MOCOS: variants seen among roughly 807,000 people sequenced by gnomAD.
MOCOS encodes human molybdenum cofactor sulfurase.
In MOCOS, 86 loss-of-function variants were observed where a neutral mutation model predicts 83.6. That is an observed-to-expected ratio of 1.03 (90% CI 0.86 to 1.23). The LOEUF is 1.23. MOCOS is among the 50% of genes most tolerant of loss of function. MOCOS has a pLI of 0.00. For synonymous variants in MOCOS, 445 were observed against 434.7 expected (o/e 1.02, Z -0.29); for missense variants, 1,120 against 1,126.9 (o/e 0.99, Z 0.09).
At chr18:36,199,610 A>C in intron 3 of MOCOS, 73 bp from the exon 4 acceptor site, 24 of 1,603,472 alleles carry the variant, frequency 1.5e-5, no homozygotes, top group Non-Finnish European at 2.0e-5. Flanking sequence ...AGTTAATAGA[A>C]ATAAAACAGC....
At chr18:36,201,697 C>T (rs1177979995) in intron 4 of MOCOS, among the ~76,000 whole-genome samples, 1 of 132,026 alleles carries the variant, frequency 7.6e-6, no homozygotes, top group Non-Finnish European at 1.6e-5. Context: ...TAATATTGTC[C>T]TTTTAGAGCT....
chr18:36,244,605 G>C lies in MOCOS; in HGVS notation c.1961-4317G>C, dbSNP rs552200637. Among the ~76,000 whole-genome samples the C allele has an allele frequency of 2.1e-4, 32 of 152,188 alleles. 1 individual carries two copies. Among genetic ancestry groups the C allele is most frequent in the Admixed American group, 2.1e-3 (32 of 15,284 alleles). ...AAAGAATGTATACTCTGCAGTTGTT[G>C]GGTAGAATTTTCATAAATATCTGTT... On this transcript the variant is annotated intron_variant, in intron 9 of 14. Transcript: ENST00000261326.
In MOCOS at chr18:36,246,789, G is replaced by A. The variant is rs77540689; in HGVS notation, c.1961-2133G>A. ...TTGCTGTAATGGCTTGAGTTGATTG[G>A]CCTCCAGCCAGAAGGTGCTGCTTTC... On this transcript the variant is annotated intron_variant, in intron 9 of 14. Transcript: ENST00000261326. Among the ~76,000 whole-genome samples the A allele has an allele frequency of 2.8e-3, 427 of 152,250 alleles. 4 individuals are homozygous for A. The highest frequency in any genetic ancestry group is 9.9e-3 in the African/African-American group (412 of 41,542).
At chr18:36,198,400 C>G (rs2091398488) in intron 2 of MOCOS, among the ~76,000 whole-genome samples, 2 of 152,156 alleles carry the variant, frequency 1.3e-5, no homozygotes, top group South Asian at 4.1e-4. Flanking sequence ...AACCAAATCA[C>G]TTTTTATTTT....
intron 9 of MOCOS, among the ~76,000 whole-genome samples, chr18:36,245,422 A>T (rs624980): frequency 0.27 from 40,920 of 151,952 alleles, 6,431 homozygotes; most frequent in Admixed American, 0.34. Flanking sequence ...TTGGCTGATA[A>T]TTATTTTGTT....
At chr18:36,214,850 G>T (rs967173574) in intron 7 of MOCOS, among the ~76,000 whole-genome samples, 4 of 152,182 alleles carry the variant, frequency 2.6e-5, no homozygotes, top group African/African-American at 7.2e-5. Flanking sequence ...ATTTGTTCGG[G>T]TGTCTGACCC....
intron 2 of MOCOS, among the ~76,000 whole-genome samples, chr18:36,198,237 T>A (rs565144014): frequency 7.4e-4 from 113 of 152,200 alleles, no homozygotes; most frequent in African/African-American, 2.4e-3. Context: ...AAAGTAATTT[T>A]AAAAAGTTAG....
chr18:36,239,929 G>A (rs369611111), intron 9 of MOCOS, among the ~76,000 whole-genome samples: 1 of 150,750 alleles, frequency 6.6e-6, no homozygotes, highest in East Asian at 1.9e-4. Flanking sequence ...GATCACATCA[G>A]CTCCTGAGGC....
chr18:36,254,703 C>T (rs78968485), intron 11 of MOCOS, among the ~76,000 whole-genome samples: 3,248 of 151,548 alleles, frequency 0.021, 118 homozygotes, highest in African/African-American at 0.074. Context: ...TTTCCATGCC[C>T]TCAACAGAAT....
At position 36,268,839 on chromosome 18, in the gene MOCOS, C is replaced by T; in HGVS notation, c.*154C>T. 2 of 695,776 alleles carry T rather than the reference C, an allele frequency of 2.9e-6. No individual in the cohort carries two copies. The highest frequency in any genetic ancestry group is 4.8e-6 in the Non-Finnish European group (2 of 414,056). The allele number at this position is 695,776 out of a possible 1,614,324, so 43.1% of individuals were successfully genotyped here. A position where few individuals can be genotyped will look rare whatever the true frequency, so the allele number is the denominator to read the frequency against. ...CTCACCTGCTTCCTTCTGCCTTTGACTTCTCACCCTGCAAATTTGCACTGG... is the reference window on the plus strand; with the variant it reads ...CTCACCTGCTTCCTTCTGCCTTTGATTTCTCACCCTGCAAATTTGCACTGG... On this transcript the variant is annotated 3_prime_UTR_variant, in exon 15 of 15. Transcript: ENST00000261326.
At chr18:36,251,404 C>A in intron 11 of MOCOS, 121 bp downstream of exon 11, 1 of 1,325,806 alleles carries the variant, frequency 7.5e-7, no homozygotes, top group South Asian at 1.2e-5. Flanking sequence ...CAGGGGTCAT[C>A]AGCCTTTAGC....
chr18:36,260,555 G>A lies in MOCOS; in HGVS notation c.2409+380G>A, dbSNP rs1412744643. Among the ~76,000 whole-genome samples the A allele has an allele frequency of 5.3e-5, 8 of 152,302 alleles. No individual in the cohort carries two copies. In the East Asian group the frequency reaches 1.5e-3, roughly 29 times the overall value. On this transcript the variant is annotated intron_variant, in intron 13 of 14. Transcript: ENST00000261326. Reference sequence around the variant, plus strand: ...GGAGCTTGTGGAGGGAGGCCCAGAAGCCTGGCGGTGCCTCTTTGCCCATGG... The same window carrying A: ...GGAGCTTGTGGAGGGAGGCCCAGAAACCTGGCGGTGCCTCTTTGCCCATGG...
At chr18:36,242,695 G>A (rs961974900) in intron 9 of MOCOS, among the ~76,000 whole-genome samples, 7 of 152,216 alleles carry the variant, frequency 4.6e-5, no homozygotes, top group Admixed American at 3.9e-4. Flanking sequence ...AGGTGAAGGG[G>A]AAGCAAGGAC....
Position 36,198,696 on chromosome 18 carries a change from C to G in MOCOS, c.239C>G (p.Pro80Arg), listed in dbSNP as rs62103121. 3 of 1,614,144 alleles carry G rather than the reference C, an allele frequency of 1.9e-6. No homozygotes were observed. The highest frequency in any genetic ancestry group is 2.5e-6 in the Non-Finnish European group (3 of 1,180,014). ...TGTCTTTGTAACCTGCCAGGTAATC[C>G]TCACAGCCAGAACATCAGCAGCAAG... ...SDLMENTYGNPHSQNISSKLT... is the reference protein window; with the variant it reads ...SDLMENTYGNRHSQNISSKLT... Residue 80 changes from proline (P) to arginine (R), a missense_variant, in exon 3 of 15, where the codon CCT (proline) becomes CGT (arginine). By Grantham distance (103) the Pro-to-Arg change is moderately radical. Coordinates refer to ENST00000261326, the MANE Select transcript of MOCOS (RefSeq NM_017947.4).
intron 6 of MOCOS, among the ~76,000 whole-genome samples, chr18:36,209,781 A>G (rs1406242261): frequency 6.6e-6 from 1 of 152,144 alleles, no homozygotes; most frequent in Non-Finnish European, 1.5e-5. Context: ...GCAATTGTGA[A>G]TTGTGCTGCT....
At position 36,200,109 on chromosome 18, in the gene MOCOS, C is replaced by A. The variant is rs61739904; in HGVS notation, c.726C>A (p.Tyr242Ter). Reference protein sequence around the residue: ...KWFVLLDAASYVSTSPLDLSA... With the variant: ...KWFVLLDAAS ...TTGTGCTGCTGGATGCAGCCTCCTA[C>A]GTGAGCACCTCGCCTTTGGACCTGT... The change falls in exon 4 of 15, where the codon TAC becomes TAA. Residue 242 changes from tyrosine (Y) to a stop codon, truncating the protein, a stop_gained. Coordinates refer to ENST00000261326, the MANE Select transcript of MOCOS (RefSeq NM_017947.4). LOFTEE classifies it high-confidence loss of function. 1 of 1,614,100 alleles carries A rather than the reference C, an allele frequency of 6.2e-7. No individual in the cohort carries two copies. The highest frequency in any genetic ancestry group is 8.5e-7 in the Non-Finnish European group (1 of 1,180,034).
At chr18:36,217,169 A>G (rs759320734) in intron 8 of MOCOS, among the ~76,000 whole-genome samples, 8 of 152,100 alleles carry the variant, frequency 5.3e-5, no homozygotes, top group Non-Finnish European at 7.4e-5. Flanking sequence ...CCTAATTTTG[A>G]TGGTTGTACT....
intron 13 of MOCOS, among the ~76,000 whole-genome samples, chr18:36,266,186 A>G (rs1264667941): frequency 6.6e-6 from 1 of 152,156 alleles, no homozygotes; most frequent in Admixed American, 6.5e-5. Context: ...CCCAGGCTGC[A>G]GTGCAGTGGT....
chr18:36,245,010 T>C (rs981549957), intron 9 of MOCOS, among the ~76,000 whole-genome samples: 1 of 152,184 alleles, frequency 6.6e-6, no homozygotes, highest in African/African-American at 2.4e-5. Context: ...CAAGTTTATA[T>C]GAGTCCTTGT....
Sources: gnomAD v4.1 joint callset for allele counts (sites outside exome capture counted in the v4.1 genomes callset) on GRCh38, gnomAD v4.1.1 for gene constraint, MANE v1.5 for transcripts, NCBI Gene and HGNC (gene_info 2026-07-23, HGNC 2026-07-21) for gene names.